The following CDKAL1 variants were observed in gnomAD, a reference collection of about 807,000 sequenced individuals.
The protein encoded by CDKAL1 is CDKAL1 threonylcarbamoyladenosine tRNA methylthiotransferase, also known as threonylcarbamoyladenosine tRNA methylthiotransferase.
In CDKAL1, 32 loss-of-function variants were observed where a neutral mutation model predicts 68.2. The ratio of observed to expected loss-of-function variants is 0.47; its 90% CI spans 0.35 to 0.63. The LOEUF (loss-of-function observed/expected upper bound fraction) is 0.63. CDKAL1 is among the 30% of genes least tolerant of loss of function. The pLI is 0.00. For missense variants in CDKAL1, 606 were observed against 696.7 expected (o/e 0.87, Z 1.47); for synonymous variants, 234 against 244.3 (o/e 0.96, Z 0.39).
chr6:20,991,899 CACAATAAA>C (rs1766831080), intron 10 of CDKAL1, among the ~76,000 whole-genome samples: 1 of 150,092 alleles, frequency 6.7e-6, no homozygotes, highest in Non-Finnish European at 1.5e-5. Flanking sequence ...TCTGTTTTAC[CACAATAAA>C]ACAATAAAAG....
At chr6:20,721,986 C>T (rs1772400024) in intron 5 of CDKAL1, among the ~76,000 whole-genome samples, 1 of 152,064 alleles carries the variant, frequency 6.6e-6, no homozygotes, top group African/African-American at 2.4e-5. Flanking sequence ...CCCCCTTGGC[C>T]TCCCAAAATG....
intron 8 of CDKAL1, among the ~76,000 whole-genome samples, chr6:20,833,442 C>T (rs1777801462): frequency 6.6e-6 from 1 of 152,116 alleles, no homozygotes; most frequent in South Asian, 2.1e-4. Context: ...TACTCAAAGT[C>T]TCATTCAATT....
chr6:21,194,374 G>A (rs191674621), intron 13 of CDKAL1, among the ~76,000 whole-genome samples: 126 of 152,248 alleles, frequency 8.3e-4, no homozygotes, highest in Non-Finnish European at 1.4e-3. Context: ...TGTCAGTGAC[G>A]GTGAGGCAGC....
In CDKAL1 at chr6:20,537,769, T is replaced by G. The variant is rs1188674683; in HGVS notation, c.-6+2375T>G. 3.9e-5 allele frequency among the ~76,000 whole-genome samples: 6 copies of G among 152,334 alleles called. No homozygotes were observed. The East Asian group carries it at 9.6e-4, about 24-fold the overall frequency. ...TATCAAATTTGATTTCCTCTACCTTTGAGAAAAATTTTTAATGATCCTTTT... is the reference window on the plus strand; with the variant it reads ...TATCAAATTTGATTTCCTCTACCTTGGAGAAAAATTTTTAATGATCCTTTT... On this transcript the variant is annotated intron_variant, in intron 2 of 15. Transcript: ENST00000274695.
chr6:20,992,031 C>CTTTTTTTTTTTTTTTTTTTTTTT (rs71530401), intron 10 of CDKAL1, among the ~76,000 whole-genome samples: 1 of 100,476 alleles, frequency 1.0e-5, no homozygotes, highest in African/African-American at 4.3e-5. Flanking sequence ...TTTTTCTTTT[C>CTTTTTTTTTTTTTTTTTTTTTTT]TTTTTTTTTT....
At chr6:20,733,544 T>TG in intron 5 of CDKAL1, among the ~76,000 whole-genome samples, 1 of 152,330 alleles carries the variant, frequency 6.6e-6, no homozygotes, top group South Asian at 2.1e-4. Context: ...AGGCTTGAGT[T>TG]GTATAACAAA....
intron 13 of CDKAL1, among the ~76,000 whole-genome samples, chr6:21,138,409 C>G (rs1383522577): frequency 6.6e-6 from 1 of 152,322 alleles, no homozygotes; most frequent in Non-Finnish European, 1.5e-5. Flanking sequence ...AGGCAGCATG[C>G]TGTATATCAG....
rs141968390 is a variant in CDKAL1, at chr6:20,855,037, A to C, written c.742+8859A>C. On this transcript the variant is annotated intron_variant, in intron 9 of 15. Transcript: ENST00000274695. The stretch of plus-strand genomic sequence containing the variant: ...ACCAGCTTGGCATTAGGTTTGAAAG[A>C]GTTTTCACATAGGGAGTGGTGAGGG... Among the ~76,000 whole-genome samples, 543 of 152,312 alleles carry C rather than the reference A, an allele frequency of 3.6e-3. 4 individuals carry two copies. Among genetic ancestry groups the C allele is most frequent in the African/African-American group, 0.011 (475 of 41,558 alleles).
chr6:20,931,544 C>CA (rs1238091344), intron 9 of CDKAL1, among the ~76,000 whole-genome samples: 2 of 152,026 alleles, frequency 1.3e-5, no homozygotes, highest in Non-Finnish European at 2.9e-5. Flanking sequence ...AAGTTCTTTC[C>CA]AAAAATGTGT....
At chr6:20,735,302 TA>T (rs112016767) in intron 5 of CDKAL1, among the ~76,000 whole-genome samples, 19,268 of 151,984 alleles carry the variant, frequency 0.13, 1,739 homozygotes, top group African/African-American at 0.25. Flanking sequence ...GGTAATTTAT[TA>T]AAAAAAAGAG....
At chr6:21,042,882 G>A (rs1022667846) in intron 11 of CDKAL1, among the ~76,000 whole-genome samples, 1 of 152,100 alleles carries the variant, frequency 6.6e-6, no homozygotes, top group Non-Finnish European at 1.5e-5. Context: ...TGGTGTTTGT[G>A]ATTTGTTTCT....
intron 9 of CDKAL1, among the ~76,000 whole-genome samples, chr6:20,934,989 G>A (rs1480109731): frequency 6.7e-6 from 1 of 149,138 alleles, no homozygotes; most frequent in Non-Finnish European, 1.5e-5. Flanking sequence ...TCTGGCTACT[G>A]GGTTCAAGCG....
intron 8 of CDKAL1, among the ~76,000 whole-genome samples, chr6:20,791,451 G>A (rs901977061): frequency 2.0e-5 from 3 of 152,072 alleles, no homozygotes; most frequent in Non-Finnish European, 4.4e-5. Flanking sequence ...AAACCATAAC[G>A]TCAGTGGCCT....
At chr6:20,601,046 A>T (rs1350268761) in intron 4 of CDKAL1, among the ~76,000 whole-genome samples, 1 of 151,938 alleles carries the variant, frequency 6.6e-6, no homozygotes, top group Non-Finnish European at 1.5e-5. Flanking sequence ...CCCTGAGGGA[A>T]TTGGCAGTTT....
At chr6:20,629,664 G>A (rs545149227) in intron 4 of CDKAL1, among the ~76,000 whole-genome samples, 2 of 152,178 alleles carry the variant, frequency 1.3e-5, no homozygotes, top group East Asian at 3.9e-4. Flanking sequence ...CAATATGGAT[G>A]CCCTTTTCAC....
chr6:21,146,116 T>A (rs1483778792), intron 13 of CDKAL1, among the ~76,000 whole-genome samples: 3 of 152,140 alleles, frequency 2.0e-5, no homozygotes, highest in African/African-American at 7.2e-5. Flanking sequence ...CCTTAATGGG[T>A]CTGGACTGCA....
intron 9 of CDKAL1, among the ~76,000 whole-genome samples, chr6:20,889,147 T>G (rs1429686626): frequency 6.6e-6 from 1 of 152,076 alleles, no homozygotes; most frequent in Non-Finnish European, 1.5e-5. Context: ...TTTCATGTGT[T>G]TTTTGGCTGC....
intron 5 of CDKAL1, among the ~76,000 whole-genome samples, chr6:20,735,868 G>T (rs1261582115): frequency 6.6e-6 from 1 of 151,924 alleles, no homozygotes; most frequent in African/African-American, 2.4e-5. Flanking sequence ...TATTATTTTT[G>T]ATCCTATAGA....
chr6:20,745,694 C>T (rs367933810), intron 6 of CDKAL1, among the ~76,000 whole-genome samples: 3 of 151,922 alleles, frequency 2.0e-5, no homozygotes, highest in Admixed American at 1.3e-4. Flanking sequence ...CTCAAATTCT[C>T]GGCTAATACT....
Sources: allele counts gnomAD v4.1 joint callset (sites outside exome capture counted in the v4.1 genomes callset), GRCh38; gene constraint gnomAD v4.1.1; transcripts MANE v1.5; gene names NCBI Gene and HGNC (gene_info 2026-07-23, HGNC 2026-07-21).